The following OR51B5 variants were observed in gnomAD, a reference collection of about 807,000 sequenced individuals.
OR51B5 encodes the protein olfactory receptor family 51 subfamily B member 5, also known as olfactory receptor 51B5.
For missense variants in OR51B5, 456 were observed against 374.6 expected (o/e 1.22, Z -1.79); for synonymous variants, 186 against 144.8 (o/e 1.28, Z -2.04).
intron 1 of OR51B5, among the ~76,000 whole-genome samples, chr11:5,358,383 G>C (rs972941179): frequency 6.6e-6 from 1 of 152,132 alleles, no homozygotes; most frequent in Non-Finnish European, 1.5e-5. Flanking sequence ...AAATAAACTA[G>C]AAAATCTAGA....
intron 1 of OR51B5, among the ~76,000 whole-genome samples, chr11:5,426,625 C>T (rs1190823793): frequency 6.6e-6 from 1 of 151,852 alleles, no homozygotes; most frequent in East Asian, 1.9e-4. Context: ...CGCCCTAATA[C>T]ATGTGTTAGG....
chr11:5,477,041 G>A (rs548672230), intron 1 of OR51B5, among the ~76,000 whole-genome samples: 223 of 152,284 alleles, frequency 1.5e-3, no homozygotes, highest in Admixed American at 1.5e-3. Context: ...AAAATGTGCC[G>A]AGAGGGTAGA....
intron 1 of OR51B5, chr11:5,453,757 G>A (rs572697636): frequency 2.0e-5 from 32 of 1,614,084 alleles, no homozygotes; most frequent in Admixed American, 1.3e-4. Context: ...CTCAATGCCC[G>A]CAACATCACT....
chr11:5,371,936 T>C (rs1849454289), intron 1 of OR51B5, among the ~76,000 whole-genome samples: 1 of 152,192 alleles, frequency 6.6e-6, no homozygotes, highest in South Asian at 2.1e-4. Flanking sequence ...TTTTACACTG[T>C]TTCTATGCAT....
intron 1 of OR51B5, chr11:5,362,824 T>C: frequency 4.6e-6 from 1 of 215,422 alleles, no homozygotes. Context: ...CTCTTCCTGA[T>C]GCTCTGGGTT....
At chr11:5,465,335 T>C (rs1851123692) in intron 1 of OR51B5, among the ~76,000 whole-genome samples, 1 of 151,750 alleles carries the variant, frequency 6.6e-6, no homozygotes, top group Non-Finnish European at 1.5e-5. Context: ...GGTTTTGATT[T>C]GCATTTCTCT....
chr11:5,499,829 C>T (rs908779483), intron 1 of OR51B5, among the ~76,000 whole-genome samples: 7 of 152,206 alleles, frequency 4.6e-5, no homozygotes, highest in Middle Eastern at 3.2e-3. Context: ...TTGCCCTCAC[C>T]ACCCACTGCC....
intron 1 of OR51B5, chr11:5,440,527 C>T (rs1315905101): frequency 1.4e-6 from 2 of 1,429,580 alleles, no homozygotes; most frequent in Non-Finnish European, 2.0e-6. Context: ...TTAACATGTC[C>T]CAATCCTTCC....
At chr11:5,487,466 G>A (rs1042403391) in intron 1 of OR51B5, among the ~76,000 whole-genome samples, 10 of 152,098 alleles carry the variant, frequency 6.6e-5, no homozygotes. Flanking sequence ...CAGAAAATCA[G>A]AGAATGACTA....
chr11:5,363,237 T>TCACACACA (rs3219794), intron 1 of OR51B5, among the ~76,000 whole-genome samples: 55 of 143,112 alleles, frequency 3.8e-4, no homozygotes, highest in South Asian at 3.5e-3. Flanking sequence ...ACCCAACCCC[T>TCACACACA]CACACACACA....
rs143256313 is a variant in OR51B5, at chr11:5,474,723, T to C, written n.84+30846A>G. Among the ~76,000 whole-genome samples, 319 of 152,328 alleles carry C rather than the reference T, an allele frequency of 2.1e-3. 1 individual carries two copies. Among genetic ancestry groups the C allele is most frequent in the African/African-American group, 7.2e-3 (298 of 41,588 alleles). On this transcript the variant is annotated intron_variant and non_coding_transcript_variant, in intron 1 of 4. Coordinates refer to the OR51B5 transcript ENST00000415970. ...TAATAACATCACACATACATTTCAA[T>C]GTGTTGGTTAGTGTAAACTCATCTT...
At chr11:5,491,090 T>C (rs1851574345) in intron 1 of OR51B5, among the ~76,000 whole-genome samples, 1 of 152,242 alleles carries the variant, frequency 6.6e-6, no homozygotes, top group African/African-American at 2.4e-5. Flanking sequence ...GAGATTATAC[T>C]GGTATGTATC....
chr11:5,343,172 T>C, exon 1 of OR51B5: 6 of 1,602,692 alleles, frequency 3.7e-6, no homozygotes, highest in Non-Finnish European at 5.1e-6. Context: ...AAAACGGTCA[T>C]AGGCCATGGC....
intron 1 of OR51B5, among the ~76,000 whole-genome samples, chr11:5,400,337 AAATT>A (rs1307905768): frequency 1.3e-5 from 2 of 152,242 alleles, no homozygotes; most frequent in Non-Finnish European, 2.9e-5. Context: ...ATGAAAAAAT[AAATT>A]ATTTTAATAT....
rs7931695 is a variant in OR51B5 at position 5,364,642 on chromosome 11, C to T, written n.85-17732G>A. Among the ~76,000 whole-genome samples the T allele has an allele frequency of 4.0e-3, 596 of 149,860 alleles. 2 individuals are homozygous for T. The highest frequency in any genetic ancestry group is 0.011 in the Middle Eastern group (3 of 276). ...TCTCTCTTCCTCTTCTCACTCCATCCTCATGTGCATCTCTGAATATCTCTG... is the reference window on the plus strand; with the variant it reads ...TCTCTCTTCCTCTTCTCACTCCATCTTCATGTGCATCTCTGAATATCTCTG... On this transcript the variant is annotated intron_variant and non_coding_transcript_variant, in intron 1 of 4. Coordinates refer to the OR51B5 transcript ENST00000415970.
chr11:5,343,335 G>A lies in OR51B5; in HGVS notation c.190C>T (p.Leu64=), dbSNP rs753612799. The change falls in exon 1 of 1, where the codon CTG becomes TTG. Residue 64 remains leucine, a synonymous_variant. Coordinates refer to ENST00000300773, the Ensembl canonical transcript of OR51B5. ...GCCAGCCCCAGGTCTGTGGCAGCCA[G>A]CATGGCCAGAAAGAAGTACATGGGC... 3.7e-6 allele frequency: 6 copies of A among 1,611,414 alleles called. No homozygotes were observed. The Admixed American group carries it at 1.0e-4, about 27-fold the overall frequency.
At chr11:5,398,835 T>C (rs572741007) in intron 1 of OR51B5, among the ~76,000 whole-genome samples, 2 of 152,322 alleles carry the variant, frequency 1.3e-5, no homozygotes, top group Non-Finnish European at 2.9e-5. Context: ...GTAAGTTTCC[T>C]GAGGCCTCCC....
chr11:5,372,359 T>C (rs4300412), intron 1 of OR51B5, among the ~76,000 whole-genome samples: 1 of 152,054 alleles, frequency 6.6e-6, no homozygotes, highest in Non-Finnish European at 1.5e-5. Flanking sequence ...TTTTCTATAA[T>C]GGCTATGTTA....
chr11:5,413,634 A>T (rs1850186444), intron 1 of OR51B5, among the ~76,000 whole-genome samples: 1 of 152,244 alleles, frequency 6.6e-6, no homozygotes, highest in South Asian at 2.1e-4. Context: ...GATGTGAAGA[A>T]TGCAGAAGTC....
Sources: gnomAD v4.1 joint callset for allele counts (sites outside exome capture counted in the v4.1 genomes callset) on GRCh38, gnomAD v4.1.1 for gene constraint, MANE v1.5 for transcripts, NCBI Gene and HGNC (gene_info 2026-07-23, HGNC 2026-07-21) for gene names.